The following RPS6KC1 variants were observed in gnomAD, a reference collection of about 807,000 sequenced individuals.
RPS6KC1 encodes the protein inactive ribosomal protein S6 kinase delta-1.
RPS6KC1 carries 54 observed loss-of-function variants against 103.8 expected under a neutral mutation model. The observed-to-expected ratio is 0.52, with a 90% CI of 0.42 to 0.65. RPS6KC1 has a LOEUF of 0.65. RPS6KC1 is among the 30% of genes least tolerant of loss of function. The pLI, the probability that RPS6KC1 is intolerant of heterozygous loss-of-function variation, is 0.00. For missense variants in RPS6KC1, 1,151 were observed against 1,253.8 expected (o/e 0.92, Z 1.24); for synonymous variants, 439 against 438.7 (o/e 1.00, Z -0.01).
chr1:213,785,267 A>T, the RPS6KC1 span, among the ~76,000 whole-genome samples: 2 of 152,124 alleles, frequency 1.3e-5, no homozygotes, highest in African/African-American at 2.4e-5. Context: ...CATGAACCCT[A>T]AGTGGTCTAC....
At chr1:213,839,305 A>C in the RPS6KC1 span, among the ~76,000 whole-genome samples, 1 of 152,172 alleles carries the variant, frequency 6.6e-6, no homozygotes, top group Admixed American at 6.5e-5. Context: ...AAGTTTCATA[A>C]GTGCATCTCT....
intron 8 of RPS6KC1, among the ~76,000 whole-genome samples, chr1:213,192,380 G>A (rs965064232): frequency 1.6e-4 from 25 of 151,814 alleles, no homozygotes; most frequent in African/African-American, 5.6e-4. Context: ...TTTCATATCG[G>A]GGTAATACTA....
chr1:213,234,170 T>A (rs1228847499), intron 10 of RPS6KC1, among the ~76,000 whole-genome samples: 2 of 152,002 alleles, frequency 1.3e-5, no homozygotes, highest in African/African-American at 4.8e-5. Flanking sequence ...CCACCACATC[T>A]GGCTAAGTTT....
chr1:213,077,339 A>G (rs923450296), intron 2 of RPS6KC1, among the ~76,000 whole-genome samples: 1 of 152,190 alleles, frequency 6.6e-6, no homozygotes, highest in African/African-American at 2.4e-5. Flanking sequence ...GTGACATTTT[A>G]TATAGTATAA....
chr1:213,796,003 A>G, the RPS6KC1 span, among the ~76,000 whole-genome samples: 1 of 152,148 alleles, frequency 6.6e-6, no homozygotes, highest in South Asian at 2.1e-4. Flanking sequence ...TAGACTGTAC[A>G]ACAAAGCCGT....
chr1:213,246,082 G>A (rs1223025886), intron 12 of RPS6KC1, among the ~76,000 whole-genome samples: 4 of 152,092 alleles, frequency 2.6e-5, no homozygotes, highest in East Asian at 1.9e-4. Context: ...AAAAGCCAGC[G>A]CATAAATGGC....
At chr1:213,232,350 G>T in intron 10 of RPS6KC1, 95 bp downstream of exon 10, 1 of 1,492,098 alleles carries the variant, frequency 6.7e-7, no homozygotes. Context: ...TAGAATATAT[G>T]AAACACGTTT....
the RPS6KC1 span, among the ~76,000 whole-genome samples, chr1:213,728,986 C>G: frequency 5.9e-5 from 7 of 118,562 alleles, no homozygotes; most frequent in East Asian, 1.3e-3. Context: ...GATGCTGAGA[C>G]ACAGGGCAGG....
At chr1:213,463,061 G>C in the RPS6KC1 span, among the ~76,000 whole-genome samples, 1 of 152,290 alleles carries the variant, frequency 6.6e-6, no homozygotes, top group African/African-American at 2.4e-5. Context: ...ACTAAGTAAG[G>C]TTCATCACTG....
chr1:213,590,890 C>G, the RPS6KC1 span, among the ~76,000 whole-genome samples: 6 of 152,160 alleles, frequency 3.9e-5, no homozygotes, highest in Non-Finnish European at 7.3e-5. Context: ...CTGGCAGTAT[C>G]CTTCAGGATC....
chr1:213,152,909 A>G (rs972969025), intron 6 of RPS6KC1, among the ~76,000 whole-genome samples: 12 of 152,198 alleles, frequency 7.9e-5, no homozygotes, highest in Non-Finnish European at 1.8e-4. Flanking sequence ...TGGAGGTTGT[A>G]GCGAGCCGAG....
chr1:213,474,982 C>T, the RPS6KC1 span, among the ~76,000 whole-genome samples: 1 of 152,176 alleles, frequency 6.6e-6, no homozygotes, highest in Non-Finnish European at 1.5e-5. Context: ...CAGCTGAGGC[C>T]TCTAAGCATC....
At chr1:213,410,271 C>T in the RPS6KC1 span, among the ~76,000 whole-genome samples, 3 of 152,072 alleles carry the variant, frequency 2.0e-5, no homozygotes, top group African/African-American at 7.2e-5. Context: ...TGGAATGTGG[C>T]CCCTGAGGAA....
At chr1:213,167,249 A>G (rs1572968574) in intron 6 of RPS6KC1, among the ~76,000 whole-genome samples, 1 of 152,180 alleles carries the variant, frequency 6.6e-6, no homozygotes. Context: ...GTAGAAGAGT[A>G]TGATGGGAAG....
chr1:213,602,030 CTTTCT>C, the RPS6KC1 span, among the ~76,000 whole-genome samples: 12 of 5,860 alleles, frequency 2.0e-3, 2 homozygotes, highest in East Asian at 0.033. Flanking sequence ...CTTTCTTTCT[CTTTCT>C]CTTTCTTTCT....
At chr1:213,635,272 C>G in the RPS6KC1 span, among the ~76,000 whole-genome samples, 1,196 of 152,176 alleles carry the variant, frequency 7.9e-3, 13 homozygotes, top group Middle Eastern at 0.045. Flanking sequence ...ACTCATTTTA[C>G]GACGCCAGCA....
the RPS6KC1 span, among the ~76,000 whole-genome samples, chr1:213,289,764 G>A: frequency 6.6e-6 from 1 of 152,200 alleles, no homozygotes; most frequent in Non-Finnish European, 1.5e-5. Flanking sequence ...CTCAGGCCAG[G>A]TGCAGTGGCT....
the RPS6KC1 span, among the ~76,000 whole-genome samples, chr1:213,609,785 C>T: frequency 2.2e-5 from 3 of 135,864 alleles, no homozygotes; most frequent in Admixed American, 1.4e-4. Context: ...CTTTCAATGG[C>T]AAAACCCGCC....
At chr1:213,117,941 G>C (rs1357921875) in intron 5 of RPS6KC1, among the ~76,000 whole-genome samples, 1 of 146,824 alleles carries the variant, frequency 6.8e-6, no homozygotes, top group African/African-American at 2.5e-5. Flanking sequence ...AGAATCGCTT[G>C]AACCTGGGAG....
Sources: gnomAD v4.1 joint callset for allele counts (sites outside exome capture counted in the v4.1 genomes callset) on GRCh38, gnomAD v4.1.1 for gene constraint, MANE v1.5 for transcripts, NCBI Gene and HGNC (gene_info 2026-07-23, HGNC 2026-07-21) for gene names.